Variants in EIF2A observed in about 807,000 individuals in gnomAD.
EIF2A encodes 65 kDa eukaryotic translation initiation factor 2A.
Under a neutral mutation model 75.2 loss-of-function variants are expected in EIF2A, and 62 were observed. The observed-to-expected ratio is 0.82, with a 90% CI of 0.67 to 1.02. EIF2A has a LOEUF of 1.02. EIF2A is among the 50% of genes least tolerant of loss of function. The probability of loss-of-function intolerance (pLI) is 0.00; values close to 1 mark genes in which losing one functional copy is unlikely to be tolerated. For synonymous variants in EIF2A, 207 were observed against 239.0 expected (o/e 0.87, Z 1.23); for missense variants, 611 against 677.7 (o/e 0.90, Z 1.09).
intron 2 of EIF2A, among the ~76,000 whole-genome samples, chr3:150,554,778 G>T (rs35804179): frequency 0.33 from 49,343 of 151,770 alleles, 8,550 homozygotes; most frequent in East Asian, 0.49. Flanking sequence ...TTTTTATTAG[G>T]CCCAGTTCTC....
intron 12 of EIF2A, among the ~76,000 whole-genome samples, chr3:150,582,321 A>AT (rs35048163): frequency 0.32 from 46,167 of 143,562 alleles, 7,880 homozygotes; most frequent in East Asian, 0.49. Context: ...ATTTAATTTA[A>AT]TTTTTTTTTT....
At chr3:150,546,908 G>A in intron 1 of EIF2A, 78 bp downstream of exon 1, 3 of 1,591,002 alleles carry the variant, frequency 1.9e-6, no homozygotes, top group South Asian at 2.2e-5. Context: ...AGAACTACCC[G>A]AGGAGCCGGG....
intron 3 of EIF2A, among the ~76,000 whole-genome samples, chr3:150,561,987 G>A (rs549381997): frequency 2.0e-5 from 3 of 151,888 alleles, no homozygotes; most frequent in South Asian, 4.2e-4. Context: ...TCGAACTCCC[G>A]ACCTCAGGTG....
At chr3:150,553,322 CA>C (rs201065260) in intron 2 of EIF2A, among the ~76,000 whole-genome samples, 23,112 of 84,730 alleles carry the variant, frequency 0.27, 1,624 homozygotes, top group East Asian at 0.47. Context: ...GACTCCGTCT[CA>C]AAAAAAAAAA....
At chr3:150,559,458 G>A (rs1161509511) in intron 3 of EIF2A, among the ~76,000 whole-genome samples, 1 of 148,728 alleles carries the variant, frequency 6.7e-6, no homozygotes, top group Non-Finnish European at 1.5e-5. Context: ...TCGGCCTCCC[G>A]AAGTGTTGTG....
intron 11 of EIF2A, among the ~76,000 whole-genome samples, chr3:150,577,450 C>A (rs1724940215): frequency 6.6e-6 from 1 of 152,094 alleles, no homozygotes; most frequent in African/African-American, 2.4e-5. Context: ...CTCAACTAAT[C>A]CTGCCTCAGC....
intron 1 of EIF2A, chr3:150,547,171 T>C (rs1723077758): frequency 2.9e-6 from 1 of 340,620 alleles, no homozygotes; most frequent in African/African-American, 2.1e-5. Flanking sequence ...TGTGAAGTCA[T>C]TTAGGTCTAC....
intron 6 of EIF2A, chr3:150,566,152 G>A (rs1022935743): frequency 2.0e-5 from 3 of 152,100 alleles, no homozygotes; most frequent in African/African-American, 7.2e-5. Flanking sequence ...TCAGTCCATT[G>A]TAGTTATTTT....
intron 9 of EIF2A, among the ~76,000 whole-genome samples, chr3:150,571,721 A>G (rs1267595756): frequency 2.6e-5 from 4 of 152,212 alleles, no homozygotes; most frequent in Non-Finnish European, 5.9e-5. Context: ...CTATTACTAT[A>G]AGGCCATATT....
At chr3:150,582,400 C>T (rs1013363919) in intron 12 of EIF2A, among the ~76,000 whole-genome samples, 10 of 151,724 alleles carry the variant, frequency 6.6e-5, no homozygotes, top group Non-Finnish European at 8.8e-5. Flanking sequence ...CTGCAAGCTC[C>T]GCCTCCCGGG....
chr3:150,583,062 C>A, intron 12 of EIF2A, 138 bp from the exon 13 acceptor site: 1 of 712,726 alleles, frequency 1.4e-6, no homozygotes, highest in Non-Finnish European at 2.2e-6. Context: ...ACAATTTATC[C>A]TAGCATTTTA....
chr3:150,553,708 G>T lies in EIF2A; in HGVS notation c.98+1283G>T, dbSNP rs548408910. 8.4e-4 allele frequency among the ~76,000 whole-genome samples: 128 copies of T among 152,138 alleles called. 1 individual carries two copies. The highest frequency in any genetic ancestry group is 2.3e-3 in the South Asian group (11 of 4,828). On this transcript the variant is annotated intron_variant, in intron 2 of 13. Transcript: ENST00000460851. Reference sequence around the variant, plus strand: ...TTACAGACGTGAGCCACCATGCCTGGCCTAATAGTTTTCTTTTTAACTGAA... The same window carrying T: ...TTACAGACGTGAGCCACCATGCCTGTCCTAATAGTTTTCTTTTTAACTGAA...
chr3:150,569,005 G>A (rs529870393), intron 9 of EIF2A, among the ~76,000 whole-genome samples: 34 of 152,196 alleles, frequency 2.2e-4, no homozygotes, highest in African/African-American at 6.7e-4. Context: ...TACTGATAGC[G>A]TCCTAATTTT....
chr3:150,579,917 A>G (rs1725076165), intron 11 of EIF2A, among the ~76,000 whole-genome samples: 2 of 152,140 alleles, frequency 1.3e-5, no homozygotes, highest in Admixed American at 6.5e-5. Flanking sequence ...TGGAAATTCT[A>G]TAAGAAGTAG....
chr3:150,580,824 G>A (rs1009716783), intron 11 of EIF2A, among the ~76,000 whole-genome samples: 1 of 152,174 alleles, frequency 6.6e-6, no homozygotes, highest in Non-Finnish European at 1.5e-5. Flanking sequence ...AGCTACTAGT[G>A]AAAAATAGGT....
chr3:150,563,254 G>A (rs1235792466), intron 4 of EIF2A, among the ~76,000 whole-genome samples: 1 of 152,120 alleles, frequency 6.6e-6, no homozygotes, highest in Non-Finnish European at 1.5e-5. Flanking sequence ...AACCTCCTGA[G>A]TTTTTGTTCT....
At chr3:150,581,314 T>C (rs1279962684) in intron 11 of EIF2A, among the ~76,000 whole-genome samples, 2 of 152,174 alleles carry the variant, frequency 1.3e-5, no homozygotes, top group Non-Finnish European at 2.9e-5. Flanking sequence ...TTAAACACCT[T>C]AAATAGAAAA....
intron 1 of EIF2A, 121 bp downstream of exon 1, chr3:150,546,951 A>G (rs934686580): frequency 1.2e-5 from 17 of 1,412,694 alleles, no homozygotes; most frequent in Non-Finnish European, 1.6e-5. Context: ...TGGCTTGCGG[A>G]AAGGCCAGAC....
intron 9 of EIF2A, among the ~76,000 whole-genome samples, chr3:150,568,568 A>G (rs1353886580): frequency 6.6e-6 from 1 of 152,176 alleles, no homozygotes; most frequent in Non-Finnish European, 1.5e-5. Flanking sequence ...TTTGGAACTT[A>G]CTTAGCTAAT....
Sources: gnomAD v4.1 joint callset for allele counts (sites outside exome capture counted in the v4.1 genomes callset) on GRCh38, gnomAD v4.1.1 for gene constraint, MANE v1.5 for transcripts, NCBI Gene and HGNC (gene_info 2026-07-23, HGNC 2026-07-21) for gene names.